IRF2: variants seen among roughly 807,000 people sequenced by gnomAD.
IRF2 encodes interferon regulatory factor 2.
IRF2 carries 15 observed loss-of-function variants against 40.6 expected under a neutral mutation model. That is an observed-to-expected ratio of 0.37 (90% confidence interval 0.25 to 0.57). The LOEUF is 0.57. IRF2 is among the 20% of genes least tolerant of loss of function. The pLI, the probability that IRF2 is intolerant of heterozygous loss-of-function variation, is 0.77. For synonymous variants in IRF2, 151 were observed against 165.5 expected (o/e 0.91, Z 0.67); for missense variants, 317 against 455.7 (o/e 0.70, Z 2.77).
intron 1 of IRF2, among the ~76,000 whole-genome samples, chr4:184,435,108 AC>A (rs1738030579): frequency 6.6e-6 from 1 of 152,076 alleles, no homozygotes; most frequent in Non-Finnish European, 1.5e-5. Context: ...AACCCTTACA[AC>A]CCTAGGACAT....
intron 5 of IRF2, among the ~76,000 whole-genome samples, chr4:184,415,498 A>G (rs1737234274): frequency 6.6e-6 from 1 of 152,244 alleles, no homozygotes; most frequent in Non-Finnish European, 1.5e-5. Context: ...AAACGGGACC[A>G]CCACATGGCA....
intron 5 of IRF2, among the ~76,000 whole-genome samples, chr4:184,409,496 C>T (rs776546030): frequency 3.3e-5 from 5 of 152,212 alleles, no homozygotes; most frequent in Non-Finnish European, 5.9e-5. Context: ...GAAGGTCCAG[C>T]GTAAGGGCAG....
chr4:184,411,286 T>C (rs937804964), intron 5 of IRF2, among the ~76,000 whole-genome samples: 3 of 152,158 alleles, frequency 2.0e-5, no homozygotes, highest in African/African-American at 7.2e-5. Context: ...CTCGAACCCC[T>C]GACCTCAGGT....
At chr4:184,419,214 C>T (rs1396362668) in intron 3 of IRF2, among the ~76,000 whole-genome samples, 1 of 152,110 alleles carries the variant, frequency 6.6e-6, no homozygotes, top group East Asian at 1.9e-4. Context: ...TTTCTATTCC[C>T]CGGTAACACC....
At chr4:184,435,783 T>C (rs1738054146) in intron 1 of IRF2, among the ~76,000 whole-genome samples, 1 of 152,128 alleles carries the variant, frequency 6.6e-6, no homozygotes, top group South Asian at 2.1e-4. Context: ...CCTCACAAGC[T>C]TTGTAAGTAA....
At chr4:184,455,294 T>C (rs1426255775) in intron 1 of IRF2, among the ~76,000 whole-genome samples, 12 of 46,850 alleles carry the variant, frequency 2.6e-4, no homozygotes, top group Admixed American at 7.6e-4. Context: ...CTCCCTTCCT[T>C]CTTCTTCTTT....
chr4:184,426,217 T>C (rs1439949460), intron 2 of IRF2, among the ~76,000 whole-genome samples: 4 of 152,196 alleles, frequency 2.6e-5, no homozygotes, highest in Non-Finnish European at 5.9e-5. Context: ...AGTTTCACCA[T>C]GTTGGCCAGG....
At position 184,399,076 on chromosome 4, in the gene IRF2, A is replaced by G; in HGVS notation, c.533T>C (p.Val178Ala). 6.3e-7 allele frequency: 1 copy of G among 1,586,802 alleles called. No homozygotes were observed. The highest frequency in any genetic ancestry group is 2.3e-5 in the East Asian group (1 of 44,200). The change falls in exon 7 of 9, where the codon GTA (valine) becomes GCA (alanine). Residue 178 changes from valine (V) to alanine (A), a missense_variant. Physicochemically the swap from Val to Ala is moderately conservative, Grantham distance 64. This residue lies in a region of IRF2 where 262 missense variants were observed against 334.0 expected (regional missense o/e 0.78). Transcript: ENST00000393593. ...EVDSTVNIIV[V>A]GQSHLDSNIE... ...GTTGCTGTCCAGATGGGACTGTCCTACAACTTCAAAGAAAAGACAGCCATC... is the reference window on the plus strand; with the variant it reads ...GTTGCTGTCCAGATGGGACTGTCCTGCAACTTCAAAGAAAAGACAGCCATC...
chr4:184,455,067 A>G (rs564142287), intron 1 of IRF2, among the ~76,000 whole-genome samples: 1 of 152,062 alleles, frequency 6.6e-6, no homozygotes, highest in Non-Finnish European at 1.5e-5. Context: ...AATCTCCCCA[A>G]ATGGCTCCTG....
intron 6 of IRF2, among the ~76,000 whole-genome samples, chr4:184,404,918 A>G (rs1306700337): frequency 2.0e-5 from 3 of 152,140 alleles, no homozygotes; most frequent in African/African-American, 7.2e-5. Flanking sequence ...AGGCTACTAC[A>G]CGAAGGGAAG....
Position 184,419,572 on chromosome 4 carries a change from A to G in IRF2, c.88-4T>C, listed in dbSNP as rs943059203. On this transcript the variant is annotated splice_polypyrimidine_tract_variant and splice_region_variant and intron_variant, in intron 2 of 8. Coordinates refer to ENST00000393593, the MANE Select transcript of IRF2 (RefSeq NM_002199.4). Reference sequence around the variant, plus strand: ...GGATCTGAAAAATCTTCTTTTCCTGAAAAAAAAAAAAAAAAAAAAGGTAAA... The same window carrying G: ...GGATCTGAAAAATCTTCTTTTCCTGGAAAAAAAAAAAAAAAAAAAGGTAAA... The G allele has an allele frequency of 2.0e-5, 8 of 397,530 alleles. No homozygotes were observed. In the African/African-American group the frequency reaches 5.3e-4, roughly 26 times the overall value. 24.6% of individuals were successfully genotyped at this position (397,530 alleles called of 1,614,324 possible). A position where few individuals can be genotyped will look rare whatever the true frequency, so the allele number is the denominator to read the frequency against.
At chr4:184,409,936 C>CAAAAAACAAAAAACAA (rs1737011972) in intron 5 of IRF2, among the ~76,000 whole-genome samples, 1 of 151,344 alleles carries the variant, frequency 6.6e-6, no homozygotes, top group Non-Finnish European at 1.5e-5. Flanking sequence ...CTTCTGAAAA[C>CAAAAAACAAAAAACAA]AAAAAACAAA....
At chr4:184,472,978 G>A (rs1739569660) in intron 1 of IRF2, among the ~76,000 whole-genome samples, 1 of 152,284 alleles carries the variant, frequency 6.6e-6, no homozygotes, top group Admixed American at 6.5e-5. Flanking sequence ...CGCGTGCTGG[G>A]AGGGGCATGA....
intron 1 of IRF2, among the ~76,000 whole-genome samples, chr4:184,430,873 T>A (rs1477531336): frequency 6.6e-6 from 1 of 152,126 alleles, no homozygotes; most frequent in Non-Finnish European, 1.5e-5. Context: ...TTTTTTTATT[T>A]TTTGTAGAGC....
At chr4:184,438,854 G>A (rs1579088340) in intron 1 of IRF2, among the ~76,000 whole-genome samples, 1 of 152,112 alleles carries the variant, frequency 6.6e-6, no homozygotes, top group African/African-American at 2.4e-5. Flanking sequence ...ATATGAGAGA[G>A]GAAGCATGGC....
intron 1 of IRF2, among the ~76,000 whole-genome samples, chr4:184,441,044 G>A (rs1738286686): frequency 6.6e-6 from 1 of 152,210 alleles, no homozygotes; most frequent in African/African-American, 2.4e-5. Flanking sequence ...ACTTGGCCTG[G>A]CCAACACAAG....
intron 5 of IRF2, among the ~76,000 whole-genome samples, chr4:184,409,730 C>T (rs1579817786): frequency 6.6e-6 from 1 of 152,094 alleles, no homozygotes; most frequent in African/African-American, 2.4e-5. Flanking sequence ...CCTGTCTCTA[C>T]AAAAAATGAA....
intron 1 of IRF2, among the ~76,000 whole-genome samples, chr4:184,438,065 T>C (rs138038219): frequency 5.1e-4 from 78 of 152,266 alleles, no homozygotes; most frequent in African/African-American, 1.8e-3. Context: ...ATCATCCCCA[T>C]CATTAATACC....
chr4:184,418,827 A>G (rs1342006729), intron 3 of IRF2, 119 bp from the exon 4 acceptor site: 4 of 777,456 alleles, frequency 5.1e-6, no homozygotes, highest in East Asian at 2.7e-5. Flanking sequence ...ACTCCATGCT[A>G]TACCTCCAGT....
Sources: gnomAD v4.1 joint callset for allele counts (sites outside exome capture counted in the v4.1 genomes callset) on GRCh38, gnomAD v4.1.1 for gene constraint, gnomAD v4.1.1 regional missense constraint, MANE v1.5 for transcripts, NCBI Gene and HGNC (gene_info 2026-07-23, HGNC 2026-07-21) for gene names.